The following ZNG1C variants were observed in gnomAD, a reference collection of about 807,000 sequenced individuals.
ZNG1C encodes the protein Zn regulated GTPase metalloprotein activator 1C.
At chr9:68,287,482 A>C in the ZNG1C span, among the ~76,000 whole-genome samples, 1 of 152,386 alleles carries the variant, frequency 6.6e-6, no homozygotes, top group Non-Finnish European at 1.5e-5. Context: ...CCCAGTTTAA[A>C]TGGCATCAAC....
At chr9:68,284,895 ATTT>A in the ZNG1C span, among the ~76,000 whole-genome samples, 178 of 127,458 alleles carry the variant, frequency 1.4e-3, no homozygotes, top group African/African-American at 3.0e-3. Flanking sequence ...TCGTTGTTAG[ATTT>A]TTTTTTTTTT....
chr9:68,292,196 A>C, the ZNG1C span, among the ~76,000 whole-genome samples: 1 of 150,944 alleles, frequency 6.6e-6, no homozygotes, highest in Non-Finnish European at 1.5e-5. Flanking sequence ...CTTCAGCCCT[A>C]GACCTTCTCT....
chr9:68,265,067 A>ATTTTT, the ZNG1C span, among the ~76,000 whole-genome samples: 1 of 70,196 alleles, frequency 1.4e-5, no homozygotes, highest in South Asian at 4.8e-4. Context: ...ATTTTATTTT[A>ATTTTT]TTTTAGTAGA....
At chr9:68,297,565 T>G in the ZNG1C span, 15 of 819,694 alleles carry the variant, frequency 1.8e-5, 4 homozygotes, top group East Asian at 4.2e-4. Context: ...TATTATTATT[T>G]CCCTTGATTT....
the ZNG1C span, among the ~76,000 whole-genome samples, chr9:68,281,287 C>T: frequency 6.6e-6 from 1 of 152,374 alleles, no homozygotes; most frequent in South Asian, 2.1e-4. Flanking sequence ...ATGGAGAAAT[C>T]GCCTGTCTTC....
chr9:68,272,029 C>T, the ZNG1C span, among the ~76,000 whole-genome samples: 1 of 138,904 alleles, frequency 7.2e-6, no homozygotes, highest in Admixed American at 7.6e-5. Flanking sequence ...GTTTGCTCAG[C>T]TATTTACTGA....
the ZNG1C span, among the ~76,000 whole-genome samples, chr9:68,257,320 G>A: frequency 1.5e-5 from 2 of 129,286 alleles, no homozygotes. Context: ...TTACAGGCGT[G>A]AGCCACCACA....
the ZNG1C span, chr9:68,255,060 C>T: frequency 7.2e-6 from 1 of 139,056 alleles, no homozygotes; most frequent in Non-Finnish European, 1.6e-5. Context: ...CCATCAATCA[C>T]ATATAACTTT....
chr9:68,256,081 G>T, the ZNG1C span, among the ~76,000 whole-genome samples: 1 of 152,288 alleles, frequency 6.6e-6, no homozygotes, highest in Non-Finnish European at 1.5e-5. Context: ...GACACAGAGT[G>T]ATGCTTGGGG....
chr9:68,257,147 C>T, the ZNG1C span, among the ~76,000 whole-genome samples: 1 of 141,510 alleles, frequency 7.1e-6, no homozygotes, highest in Admixed American at 7.4e-5. Flanking sequence ...AAGTGATTCT[C>T]CTGCCTCAGC....
chr9:68,266,663 T>C, the ZNG1C span, among the ~76,000 whole-genome samples: 4 of 147,682 alleles, frequency 2.7e-5, no homozygotes, highest in African/African-American at 1.0e-4. Context: ...TTCCTGTCTT[T>C]ACTCATAATG....
At chr9:68,286,706 ATCAC>A in the ZNG1C span, among the ~76,000 whole-genome samples, 3 of 147,858 alleles carry the variant, frequency 2.0e-5, no homozygotes, top group Non-Finnish European at 4.5e-5. Context: ...CTCTCAAGTG[ATCAC>A]TCAATTTTTG....
the ZNG1C span, among the ~76,000 whole-genome samples, chr9:68,271,751 C>T: frequency 4.0e-5 from 6 of 150,114 alleles, no homozygotes; most frequent in African/African-American, 1.5e-4. Flanking sequence ...GTCTTGAATG[C>T]CATGATACAT....
the ZNG1C span, among the ~76,000 whole-genome samples, chr9:68,267,009 T>C: frequency 6.6e-6 from 1 of 151,986 alleles, no homozygotes; most frequent in Non-Finnish European, 1.5e-5. Context: ...AGATGGACTT[T>C]TCAAATGAAG....
the ZNG1C span, among the ~76,000 whole-genome samples, chr9:68,264,855 A>ATATATATG: frequency 7.0e-3 from 501 of 72,058 alleles, 9 homozygotes; most frequent in Middle Eastern, 0.013. Context: ...ATATATATAT[A>ATATATATG]TGTATAATAA....
the ZNG1C span, chr9:68,259,521 T>G: frequency 1.4e-6 from 1 of 708,708 alleles, no homozygotes; most frequent in South Asian, 1.7e-5. Context: ...TAATTTTTTT[T>G]TTTTTTTTGA....
chr9:68,267,148 G>A, the ZNG1C span, among the ~76,000 whole-genome samples: 1 of 152,252 alleles, frequency 6.6e-6, no homozygotes, highest in Non-Finnish European at 1.5e-5. Flanking sequence ...GAGCGTGATG[G>A]CTCAAAATTA....
the ZNG1C span, among the ~76,000 whole-genome samples, chr9:68,266,517 G>A: frequency 6.8e-6 from 1 of 146,410 alleles, no homozygotes; most frequent in South Asian, 2.2e-4. Context: ...ATAGTTCACA[G>A]TTAATAGACT....
At chr9:68,244,320 GTCTC>G in the ZNG1C span, among the ~76,000 whole-genome samples, 1 of 90,418 alleles carries the variant, frequency 1.1e-5, no homozygotes, top group South Asian at 3.8e-4. Flanking sequence ...ATTGCCCTAA[GTCTC>G]TCTCTTCCAT....
Sources: gnomAD v4.1 joint callset for allele counts (sites outside exome capture counted in the v4.1 genomes callset) on GRCh38, gnomAD v4.1.1 for gene constraint, MANE v1.5 for transcripts, NCBI Gene and HGNC (gene_info 2026-07-23, HGNC 2026-07-21) for gene names.